Variants in CCDC74A observed in about 807,000 individuals in gnomAD.
CCDC74A encodes the protein coiled-coil domain-containing protein 74A.
A neutral mutation model predicts 37.6 loss-of-function variants in CCDC74A; 38 were observed. The observed-to-expected ratio is 1.01, with a 90% CI of 0.78 to 1.33. The LOEUF (loss-of-function observed/expected upper bound fraction) is 1.33. Among genes scored for constraint, CCDC74A ranks in the 40% most tolerant of loss-of-function variants. The pLI is 0.00. For missense variants in CCDC74A, 340 were observed against 403.4 expected (o/e 0.84, Z 1.35); for synonymous variants, 134 against 165.2 (o/e 0.81, Z 1.45).
rs749834588 is a variant in CCDC74A, at chr2:131,530,819, C to T, written c.338C>T (p.Ser113Phe). ...MSSFQSVKSI[S>F]NSGKARPQPG... ...AGCTTCCAGTCTGTCAAGTCCATCT[C>T]TAATTCAGGTGAGCAGGCTGGCGTC... The change falls in exon 3 of 8, where the codon TCT becomes TTT. Residue 113 changes from serine to phenylalanine, a missense_variant. Coordinates refer to ENST00000409856, the MANE Select transcript of CCDC74A (RefSeq NM_001258306.3). The T allele has an allele frequency of 5.6e-6, 9 of 1,606,864 alleles. No homozygotes were observed. Among genetic ancestry groups the T allele is most frequent in the Non-Finnish European group, 7.6e-6 (9 of 1,177,536 alleles).
intron 1 of CCDC74A, 66 bp from the exon 2 acceptor site, chr2:131,529,581 C>T (rs1189643029): frequency 4.4e-6 from 7 of 1,608,912 alleles, no homozygotes; most frequent in Non-Finnish European, 5.1e-6. Context: ...GAGGACAGGC[C>T]AGGCTTCTTC....
At chr2:131,522,731 G>A (rs1410386485), upstream of CCDC74A, among the ~76,000 whole-genome samples, 5 of 152,150 alleles carry the variant, frequency 3.3e-5, no homozygotes, top group South Asian at 2.1e-4. Context: ...ATATACCAGC[G>A]CCCCCGTGAT....
chr2:131,526,658 T>C (rs1429087254), upstream of CCDC74A, among the ~76,000 whole-genome samples: 2 of 152,208 alleles, frequency 1.3e-5, no homozygotes, highest in Non-Finnish European at 2.9e-5. Context: ...TGTTTTTTAT[T>C]ATGCCTTGCA....
At chr2:131,532,121 G>A (rs185928153) in intron 4 of CCDC74A, among the ~76,000 whole-genome samples, 21 of 150,040 alleles carry the variant, frequency 1.4e-4, no homozygotes, top group Admixed American at 2.7e-4. Context: ...CCAAGAGAAG[G>A]CTTGCTGCCC....
Position 131,532,768 on chromosome 2 carries a change from T to C in CCDC74A, c.665T>C (p.Leu222Pro). ...LIRELWNTNL[L>P]QTQELRHLKS... ...CGCGAGCTGTGGAATACCAACCTCC[T>C]GCAGACCCAAGAGGTGAGGCCCTGG... The change falls in exon 5 of 8, where the codon CTG (leucine) becomes CCG (proline). Residue 222 changes from leucine to proline, a missense_variant. Transcript: ENST00000409856. The C allele has an allele frequency of 6.2e-7, 1 of 1,613,520 alleles. No individual in the cohort carries two copies. Among genetic ancestry groups the C allele is most frequent in the Non-Finnish European group, 8.5e-7 (1 of 1,179,754 alleles).
chr2:131,523,486 G>A (rs1038712137), upstream of CCDC74A, among the ~76,000 whole-genome samples: 17 of 152,266 alleles, frequency 1.1e-4, no homozygotes, highest in South Asian at 6.2e-4. Context: ...AAATTAGCTA[G>A]TGTGGTGGCG....
upstream of CCDC74A, among the ~76,000 whole-genome samples, chr2:131,523,684 T>C (rs770815809): frequency 1.2e-4 from 18 of 152,186 alleles, no homozygotes; most frequent in South Asian, 2.1e-4. Context: ...AGGCCATTTC[T>C]TGATGGGCCA....
chr2:131,530,764 C>A lies in CCDC74A; in HGVS notation c.296-13C>A. ...TGCGGGCGGTAGCGCCGACACTGTG[C>A]GCTCTCCTGCAGACAGCCTCTCCAT... On this transcript the variant is annotated splice_polypyrimidine_tract_variant and intron_variant, in intron 2 of 7. Transcript: ENST00000409856. The A allele has an allele frequency of 6.2e-7, 1 of 1,612,466 alleles. No individual in the cohort carries two copies. Among genetic ancestry groups the A allele is most frequent in the South Asian group, 1.1e-5 (1 of 91,042 alleles).
Position 131,533,519 on chromosome 2 carries a change from C to T in CCDC74A, c.*121C>T, listed in dbSNP as rs1017579582. 38 of 1,361,870 alleles carry T rather than the reference C, an allele frequency of 2.8e-5. No homozygotes were observed. The highest frequency in any genetic ancestry group is 5.0e-5 in the Admixed American group (2 of 39,880). The allele number at this position is 1,361,870 out of a possible 1,614,324, so 84.4% of individuals were successfully genotyped here. On this transcript the variant is annotated 3_prime_UTR_variant, in exon 8 of 8. Transcript: ENST00000409856. ...GCTAAATTCCAAGACAGATAACACT[C>T]AAGATAGATAAAGTACTTGATCTCC...
At chr2:131,531,280 G>A (rs34295369) in intron 3 of CCDC74A, among the ~76,000 whole-genome samples, 28,090 of 151,910 alleles carry the variant, frequency 0.18, 4,004 homozygotes, top group East Asian at 0.63. Flanking sequence ...CTGTGAGGCC[G>A]GGCATTTTCC....
At chr2:131,529,066 G>A (rs1467040313) in intron 1 of CCDC74A, 2 of 197,612 alleles carry the variant, frequency 1.0e-5, no homozygotes, top group African/African-American at 4.7e-5. Context: ...CAGAAGGAGG[G>A]CCCGCCAGGA....
chr2:131,528,582 G>C (rs10174409), intron 1 of CCDC74A: 230,996 of 1,060,474 alleles, frequency 0.22, 33,488 homozygotes, highest in East Asian at 0.69. Flanking sequence ...AGGCCGAGAC[G>C]GGCGGATCAC....
At chr2:131,524,345 A>G (rs1209439940), upstream of CCDC74A, among the ~76,000 whole-genome samples, 20 of 152,288 alleles carry the variant, frequency 1.3e-4, no homozygotes, top group East Asian at 1.9e-3. Flanking sequence ...CTATATGTCA[A>G]CTTGTCTGGG....
upstream of CCDC74A, among the ~76,000 whole-genome samples, chr2:131,525,711 C>CTTTTTTTTT (rs58721770): frequency 3.5e-4 from 22 of 63,454 alleles, 2 homozygotes; most frequent in African/African-American, 1.2e-3. Flanking sequence ...CTATGCCTGC[C>CTTTTTTTTT]TTTTTTTTTT....
upstream of CCDC74A, among the ~76,000 whole-genome samples, chr2:131,524,261 T>A (rs964284999): frequency 3.3e-5 from 5 of 152,090 alleles, no homozygotes; most frequent in Admixed American, 3.3e-4. Context: ...TGTGTTTATT[T>A]GGAGAGTAAG....
In CCDC74A at chr2:131,532,972, G is replaced by A. The variant is rs773465363; in HGVS notation, c.752+35G>A. ...TGGTGCACCCCTGCCCCATCCCTGGGGTCCTATCCACAGCTCACTGCTGAC... is the reference window on the plus strand; with the variant it reads ...TGGTGCACCCCTGCCCCATCCCTGGAGTCCTATCCACAGCTCACTGCTGAC... On this transcript the variant is annotated intron_variant, in intron 6 of 7. Coordinates refer to ENST00000409856, the MANE Select transcript of CCDC74A (RefSeq NM_001258306.3). The A allele has an allele frequency of 3.1e-6, 5 of 1,613,948 alleles. No homozygotes were observed. In the South Asian group the frequency reaches 3.3e-5, roughly 11 times the overall value.
upstream of CCDC74A, among the ~76,000 whole-genome samples, chr2:131,523,943 G>A (rs571381051): frequency 3.3e-3 from 499 of 151,922 alleles, 1 homozygote; most frequent in African/African-American, 6.2e-3. Flanking sequence ...GGCTAGTCTA[G>A]AAAGTCCTAG....
chr2:131,529,703 G>C lies in CCDC74A; in HGVS notation c.295+12G>C. 1 of 1,613,612 alleles carries C rather than the reference G, an allele frequency of 6.2e-7. No individual in the cohort carries two copies. Among genetic ancestry groups the C allele is most frequent in the South Asian group, 1.1e-5 (1 of 91,066 alleles). ...ATCACAGAAGAAAGGTGAGAACTGG[G>C]CCCTTCAGTGACTGATGGGATGCTC... On this transcript the variant is annotated intron_variant, in intron 2 of 7. Coordinates refer to ENST00000409856, the MANE Select transcript of CCDC74A (RefSeq NM_001258306.3).
rs1332330936 is a variant in CCDC74A at position 131,530,373 on chromosome 2, TTCCCA to T, written c.296-403_296-399del. On this transcript the variant is annotated intron_variant, in intron 2 of 7. Transcript: ENST00000409856. Reference sequence around the variant, plus strand: ...CTGGGGCAGTGCCTAGGGCTCTCCCTTCCCAGGGAGACATGGAGAAGGGGGTTGAG... The same window carrying T: ...CTGGGGCAGTGCCTAGGGCTCTCCCTGGGAGACATGGAGAAGGGGGTTGAG... The T allele has an allele frequency of 1.4e-5, 22 of 1,548,042 alleles. No homozygotes were observed. In the Middle Eastern group the frequency reaches 6.7e-4, roughly 47 times the overall value.
Sources: allele counts gnomAD v4.1 joint callset (sites outside exome capture counted in the v4.1 genomes callset), GRCh38; gene constraint gnomAD v4.1.1; transcripts MANE v1.5; gene names NCBI Gene and HGNC (gene_info 2026-07-23, HGNC 2026-07-21).